GNPTAB: variants seen among roughly 807,000 people sequenced by gnomAD.
GNPTAB encodes the protein N-acetylglucosamine-1-phosphate transferase subunits alpha and beta.
A neutral mutation model predicts 136.6 loss-of-function variants in GNPTAB; 92 were observed. The observed-to-expected ratio is 0.67, with a 90% CI of 0.57 to 0.80. GNPTAB has a LOEUF of 0.80. Ranked by LOEUF, GNPTAB falls within the 30% of genes least tolerant of loss-of-function variation. GNPTAB has a pLI of 0.00. For missense variants in GNPTAB, 1,343 were observed against 1,501.8 expected, an observed-to-expected ratio of 0.89 and a Z score of 1.75; for synonymous variants, 512 against 535.1, an observed-to-expected ratio of 0.96 and a Z score of 0.60.
At chr12:101,804,088 A>T (rs963680061) in intron 1 of GNPTAB, among the ~76,000 whole-genome samples, 22 of 152,160 alleles carry the variant, frequency 1.4e-4, no homozygotes, top group South Asian at 4.2e-4. Flanking sequence ...AAAAATTTTT[A>T]AAGTTAGCCA....
chr12:101,760,038 G>T lies in GNPTAB; in HGVS notation c.3241C>A (p.Pro1081Thr). 6.3e-7 allele frequency: 1 copy of T among 1,593,466 alleles called. No individual in the cohort carries two copies. Among genetic ancestry groups the T allele is most frequent in the Non-Finnish European group, 8.6e-7 (1 of 1,161,116 alleles). ...TAACCCATTCCACTTACCAGGTTGG[G>T]ATCATAGTAGGATTCCTGAGTTGGT... ...IPPTQESYYD[P>T]NLPPVTKSLV... Residue 1081 changes from proline to threonine, a missense_variant, in exon 16 of 21, where the codon CCC (proline) becomes ACC (threonine). Pro to Thr is a conservative substitution (Grantham distance 38, BLOSUM62 -1). Transcript: ENST00000299314.
chr12:101,757,741 A>C, intron 16 of GNPTAB, 84 bp from the exon 17 acceptor site: 1 of 776,256 alleles, frequency 1.3e-6, no homozygotes, highest in Non-Finnish European at 2.3e-6. Flanking sequence ...CTGATTTTTA[A>C]CTTTGATTCT....
At position 101,757,567 on chromosome 12, in the gene GNPTAB, C is replaced by G. The variant is rs1396473895; in HGVS notation, c.3335+5G>C. The G allele has an allele frequency of 7.3e-7, 1 of 1,363,268 alleles. No individual in the cohort carries two copies. Among genetic ancestry groups the G allele is most frequent in the Admixed American group, 1.7e-5 (1 of 59,736 alleles). 84.4% of individuals were successfully genotyped at this position (1,363,268 alleles called of 1,614,324 possible). ...AAACAAAGGGAGTATGCGTGTACTA[C>G]TTACCTATATTTGTTTTTGTCCTTA... is the stretch of plus-strand genomic sequence containing the variant. On this transcript the variant is annotated splice_donor_5th_base_variant and intron_variant, in intron 17 of 20. Transcript: ENST00000299314.
In GNPTAB at chr12:101,770,159, G is replaced by A. The variant is rs757765886; in HGVS notation, c.1146C>T (p.Thr382=). Residue 382 remains threonine (T), a synonymous_variant, in exon 10 of 21, where the codon ACC becomes ACT. Coordinates refer to ENST00000299314, the MANE Select transcript of GNPTAB (RefSeq NM_024312.5). The part of the protein sequence containing the change: ...DVFRNLSHLP[T]FSSPAIESHI... ...GACTTTCAATAGCAGGTGAACTAAA[G>A]GTAGGCAAGTGGCTCAAATTTCGAA... is the stretch of plus-strand genomic sequence containing the variant. 2.2e-5 allele frequency: 36 copies of A among 1,613,978 alleles called. No homozygotes were observed. The Admixed American group carries it at 2.3e-4, about 10-fold the overall frequency.
intron 12 of GNPTAB, 101 bp downstream of exon 12, chr12:101,765,990 C>G: frequency 1.0e-6 from 1 of 990,382 alleles, no homozygotes; most frequent in Non-Finnish European, 1.6e-6. Context: ...AAGGGATACA[C>G]AGAGAATCAT....
intron 2 of GNPTAB, among the ~76,000 whole-genome samples, chr12:101,790,265 T>C (rs905846081): frequency 1.3e-5 from 2 of 152,214 alleles, no homozygotes; most frequent in African/African-American, 4.8e-5. Flanking sequence ...AGTTGTATTA[T>C]GCTAGACACT....
intron 1 of GNPTAB, among the ~76,000 whole-genome samples, chr12:101,817,312 C>T (rs1377470113): frequency 6.8e-6 from 1 of 146,290 alleles, no homozygotes; most frequent in Non-Finnish European, 1.5e-5. Flanking sequence ...CTCTGTCACC[C>T]AGGGTGGAGC....
At chr12:101,812,589 A>AT (rs1266810710) in intron 1 of GNPTAB, among the ~76,000 whole-genome samples, 1 of 150,916 alleles carries the variant, frequency 6.6e-6, no homozygotes, top group Non-Finnish European at 1.5e-5. Context: ...GAACCCCCCC[A>AT]TCTCTACAAA....
intron 1 of GNPTAB, among the ~76,000 whole-genome samples, chr12:101,807,661 G>A (rs1342594987): frequency 6.6e-6 from 1 of 152,174 alleles, no homozygotes; most frequent in African/African-American, 2.4e-5. Context: ...CCAGCACAGT[G>A]GCTCACACCT....
intron 1 of GNPTAB, 46 bp downstream of exon 1, chr12:101,830,513 G>T (rs377041640): frequency 6.4e-5 from 68 of 1,068,410 alleles, no homozygotes; most frequent in Non-Finnish European, 8.7e-5. Flanking sequence ...GGCGAGGGCA[G>T]TGCAGGGTCG....
chr12:101,780,416 G>C (rs1953324365), intron 6 of GNPTAB, 130 bp from the exon 7 acceptor site: 1 of 1,133,384 alleles, frequency 8.8e-7, no homozygotes, highest in Non-Finnish European at 1.3e-6. Flanking sequence ...AGGATTACTT[G>C]AATCAACAGT....
rs143697254 is a variant in GNPTAB at position 101,747,062 on chromosome 12, G to C, written c.*102C>G. The C allele has an allele frequency of 4.7e-5, 36 of 762,652 alleles. No individual in the cohort carries two copies. In the South Asian group the frequency reaches 4.9e-4, roughly 10 times the overall value. The allele number at this position is 762,652 out of a possible 1,614,324, so 47.2% of individuals were successfully genotyped here. A position where few individuals can be genotyped will look rare whatever the true frequency, so the allele number is the denominator to read the frequency against. On this transcript the variant is annotated 3_prime_UTR_variant, in exon 21 of 21. Coordinates refer to ENST00000299314, the MANE Select transcript of GNPTAB (RefSeq NM_024312.5). ...ATGGTACTGGATATTTTCCTTCTTCGGGCCAAACTGCTAAGCATCACATCA... is the reference window on the plus strand; with the variant it reads ...ATGGTACTGGATATTTTCCTTCTTCCGGCCAAACTGCTAAGCATCACATCA...
At chr12:101,782,778 T>C (rs1381539451) in intron 5 of GNPTAB, among the ~76,000 whole-genome samples, 4 of 152,238 alleles carry the variant, frequency 2.6e-5, no homozygotes, top group Non-Finnish European at 5.9e-5. Context: ...TGCCTGCCTC[T>C]GTCTTGTTCA....
chr12:101,747,382 C>A, intron 20 of GNPTAB, 141 bp from the exon 21 acceptor site: 2 of 656,848 alleles, frequency 3.0e-6, no homozygotes, highest in Non-Finnish European at 5.5e-6. Flanking sequence ...AAATCTCCAT[C>A]ATTCCTCTTC....
chr12:101,799,393 C>CGAT (rs1450816782), intron 1 of GNPTAB, among the ~76,000 whole-genome samples: 1 of 152,076 alleles, frequency 6.6e-6, no homozygotes, highest in Non-Finnish European at 1.5e-5. Flanking sequence ...AGAAAATCAT[C>CGAT]GATGAGAAAG....
intron 1 of GNPTAB, among the ~76,000 whole-genome samples, chr12:101,819,593 T>C (rs938992879): frequency 1.3e-5 from 2 of 152,238 alleles, no homozygotes; most frequent in Non-Finnish European, 2.9e-5. Flanking sequence ...GTGGGCAATA[T>C]GGTTTTTAGT....
chr12:101,828,703 A>C (rs1478708785), intron 1 of GNPTAB, among the ~76,000 whole-genome samples: 4 of 152,050 alleles, frequency 2.6e-5, no homozygotes, highest in East Asian at 3.9e-4. Flanking sequence ...AAACAAACAA[A>C]AAAAAAAGCA....
At chr12:101,780,971 A>G (rs565580201) in intron 5 of GNPTAB, among the ~76,000 whole-genome samples, 3 of 152,234 alleles carry the variant, frequency 2.0e-5, no homozygotes, top group Non-Finnish European at 2.9e-5. Flanking sequence ...GTTTGACTAG[A>G]GTAAAATATT....
chr12:101,761,346 C>A lies in GNPTAB; in HGVS notation c.2916G>T (p.Met972Ile). Residue 972 changes from methionine to isoleucine, a missense_variant and splice_region_variant, in exon 15 of 21, where the codon ATG becomes ATT. Transcript: ENST00000299314. ...DRIVMQELQD[M>I]FPEEFDKTSF... is the part of the protein sequence containing the mutation. ...ACGTCTTGTCAAATTCTTCAGGGAA[C>A]CTGTCCAAATATAACATATTACAAA... is the stretch of plus-strand genomic sequence containing the variant. The A allele has an allele frequency of 6.2e-7, 1 of 1,613,030 alleles. No individual in the cohort carries two copies.
Sources: gnomAD v4.1 joint callset for allele counts (sites outside exome capture counted in the v4.1 genomes callset) on GRCh38, gnomAD v4.1.1 for gene constraint, MANE v1.5 for transcripts, NCBI Gene and HGNC (gene_info 2026-07-23, HGNC 2026-07-21) for gene names.